The following IQCH variants were observed in gnomAD, a reference collection of about 807,000 sequenced individuals.
IQCH encodes IQ motif containing H.
A neutral mutation model predicts 117.0 loss-of-function variants in IQCH; 98 were observed. The ratio of observed to expected loss-of-function variants is 0.84; its 90% CI spans 0.71 to 0.99. The LOEUF (loss-of-function observed/expected upper bound fraction) is 0.99, where lower values mean the gene tolerates loss of function less well. IQCH is among the 50% of genes least tolerant of loss of function. The pLI is 0.00. For synonymous variants in IQCH, 412 were observed against 448.2 expected (o/e 0.92, Z 1.02); for missense variants, 1,102 against 1,243.8 (o/e 0.89, Z 1.72).
chr15:67,465,992 C>T lies in IQCH; in HGVS notation c.2676+695C>T, dbSNP rs2082922780. Among the ~76,000 whole-genome samples, 2 of 152,218 alleles carry T rather than the reference C, an allele frequency of 1.3e-5. No individual in the cohort carries two copies. The highest frequency in any genetic ancestry group is 4.1e-4 in the South Asian group (2 of 4,830). ...TGGCAAGGTGAAAAGCCAGTCTGAG[C>T]ATGTTGTTCCCCTGTGTGTGATTTT... On this transcript the variant is annotated intron_variant, in intron 17 of 20. Transcript: ENST00000335894. This position sits in a 1 kb window ranked among gnomAD's most constrained non-coding sequence, Gnocchi z 5.9.
chr15:67,400,108 T>G lies in IQCH; in HGVS notation c.1906-6T>G, dbSNP rs76782783. Reference sequence around the variant, plus strand: ...ATTAAATGCAGCTGTGTCTTTGGCCTCACAGATGATAGAGCAGCTGAGTCA... The same window carrying G: ...ATTAAATGCAGCTGTGTCTTTGGCCGCACAGATGATAGAGCAGCTGAGTCA... On this transcript the variant is annotated splice_polypyrimidine_tract_variant and splice_region_variant and intron_variant, in intron 13 of 20. Coordinates refer to ENST00000335894, the MANE Select transcript of IQCH (RefSeq NM_001031715.3). 2,537 of 1,612,262 alleles carry G rather than the reference T, an allele frequency of 1.6e-3. 15 individuals are homozygous for G. The highest frequency in any genetic ancestry group is 0.011 in the African/African-American group (798 of 75,020).
At chr15:67,334,658 A>G (rs1370559299) in intron 4 of IQCH, among the ~76,000 whole-genome samples, 2 of 149,988 alleles carry the variant, frequency 1.3e-5, no homozygotes, top group Non-Finnish European at 3.0e-5. Flanking sequence ...TTAATTGCCC[A>G]GGGTTGGGTC....
intron 3 of IQCH, among the ~76,000 whole-genome samples, chr15:67,265,875 T>C (rs1158585316): frequency 6.6e-6 from 1 of 152,198 alleles, no homozygotes; most frequent in Non-Finnish European, 1.5e-5. Flanking sequence ...AAGGAGGAGA[T>C]GGGACAATTC....
chr15:67,292,487 A>G (rs936680783), intron 4 of IQCH, among the ~76,000 whole-genome samples: 10 of 152,232 alleles, frequency 6.6e-5, no homozygotes, highest in African/African-American at 2.2e-4. Flanking sequence ...TTCTGAGCTC[A>G]AGTGATCCTC....
rs1215320921 is a variant in IQCH, at chr15:67,458,994, T to A, written c.2506-6133T>A. 6.6e-6 allele frequency among the ~76,000 whole-genome samples: 1 copy of A among 152,230 alleles called. No homozygotes were observed. Among genetic ancestry groups the A allele is most frequent in the Non-Finnish European group, 1.5e-5 (1 of 68,044 alleles). On this transcript the variant is annotated intron_variant, in intron 16 of 20. Transcript: ENST00000335894. The surrounding 1 kb of genome is among the most constrained non-coding windows in gnomAD (Gnocchi z 4.1). ...AATATGATAAATATACACAATTCCC[T>A]GTTAGCCTCATAGATACATCTGGAG...
intron 4 of IQCH, among the ~76,000 whole-genome samples, chr15:67,288,092 G>A (rs1011580266): frequency 6.6e-6 from 1 of 151,886 alleles, no homozygotes. Flanking sequence ...TTATTCCATT[G>A]TGGTCAGAGA....
intron 4 of IQCH, among the ~76,000 whole-genome samples, chr15:67,325,177 T>C (rs1773155495): frequency 6.6e-6 from 1 of 152,180 alleles, no homozygotes; most frequent in Non-Finnish European, 1.5e-5. Flanking sequence ...TTCTTCTGCC[T>C]ACTCAAATTT....
intron 7 of IQCH, 100 bp downstream of exon 7, chr15:67,357,521 A>G (rs1026200295): frequency 5.0e-6 from 4 of 798,766 alleles, no homozygotes; most frequent in Middle Eastern, 2.3e-4. Flanking sequence ...TACCTTCAAC[A>G]TAGAAATAAG....
At position 67,416,272 on chromosome 15, in the gene IQCH, C is replaced by T. The variant is rs894314676; in HGVS notation, c.2098-659C>T. Among the ~76,000 whole-genome samples the T allele has an allele frequency of 6.6e-6, 1 of 152,072 alleles. No homozygotes were observed. Among genetic ancestry groups the T allele is most frequent in the Non-Finnish European group, 1.5e-5 (1 of 68,018 alleles). On this transcript the variant is annotated intron_variant, in intron 14 of 20. Coordinates refer to ENST00000335894, the MANE Select transcript of IQCH (RefSeq NM_001031715.3). This position sits in a 1 kb window ranked among gnomAD's most constrained non-coding sequence, Gnocchi z 5.1. ...GTGGCTCATGCCTGTAATCCCAGCA[C>T]TTTGGGAGGCCGAGGCGGGCGGATC...
At chr15:67,290,865 T>C (rs929648628) in intron 4 of IQCH, among the ~76,000 whole-genome samples, 2 of 152,158 alleles carry the variant, frequency 1.3e-5, no homozygotes, top group Non-Finnish European at 2.9e-5. Flanking sequence ...GAATTTAATA[T>C]AGTGGCCTTC....
At position 67,370,518 on chromosome 15, in the gene IQCH, C is replaced by T. The variant is rs1409976719; in HGVS notation, c.754-1593C>T. ...AGGCCATTTCTGTTGGAACATGTGC[C>T]ACTTGTCTTCTACCAGGAGTGGCAG... is the stretch of plus-strand genomic sequence containing the variant. On this transcript the variant is annotated intron_variant, in intron 8 of 20. Transcript: ENST00000335894. The surrounding 1 kb of genome is among the most constrained non-coding windows in gnomAD (Gnocchi z 5.6). Among the ~76,000 whole-genome samples the T allele has an allele frequency of 2.0e-5, 3 of 152,180 alleles. No homozygotes were observed. Among genetic ancestry groups the T allele is most frequent in the Admixed American group, 1.3e-4 (2 of 15,280 alleles).
Position 67,384,701 on chromosome 15 carries a change from T to C in IQCH, c.1373-235T>C, listed in dbSNP as rs531203360. 6.6e-6 allele frequency among the ~76,000 whole-genome samples: 1 copy of C among 152,250 alleles called. No individual in the cohort carries two copies. Among genetic ancestry groups the C allele is most frequent in the East Asian group, 1.9e-4 (1 of 5,186 alleles). ...TGATTCTTAGCAGCCTTGTTGGTACTGAAAAATGTGAACCCCTCTGTTACA... is the reference window on the plus strand; with the variant it reads ...TGATTCTTAGCAGCCTTGTTGGTACCGAAAAATGTGAACCCCTCTGTTACA... On this transcript the variant is annotated intron_variant, in intron 10 of 20. Coordinates refer to ENST00000335894, the MANE Select transcript of IQCH (RefSeq NM_001031715.3). This position sits in a 1 kb window ranked among gnomAD's most constrained non-coding sequence, Gnocchi z 4.3.
chr15:67,323,247 T>TG (rs1968230096), intron 4 of IQCH, among the ~76,000 whole-genome samples: 1 of 146,438 alleles, frequency 6.8e-6, no homozygotes, highest in Admixed American at 6.8e-5. Flanking sequence ...ACATTTTTTT[T>TG]TTTTTTTTTT....
chr15:67,432,096 A>G lies in IQCH; in HGVS notation c.2505+10519A>G, dbSNP rs2082032816. 6.6e-6 allele frequency among the ~76,000 whole-genome samples: 1 copy of G among 152,218 alleles called. No individual in the cohort carries two copies. The highest frequency in any genetic ancestry group is 1.5e-5 in the Non-Finnish European group (1 of 68,046). ...AGATAATTGTGAACTTTGAAACAAC[A>G]ATCTGTATTATAAGCATTGATAGTT... On this transcript the variant is annotated intron_variant, in intron 16 of 20. Transcript: ENST00000335894. The surrounding 1 kb of genome is among the most constrained non-coding windows in gnomAD (Gnocchi z 5.0).
chr15:67,442,857 TAG>T (rs1491406023), intron 16 of IQCH, among the ~76,000 whole-genome samples: 37 of 139,426 alleles, frequency 2.7e-4, no homozygotes, highest in African/African-American at 6.6e-4. Context: ...GATAGATAGA[TAG>T]ATAGATATAC....
At chr15:67,341,399 A>G (rs1969167873) in intron 5 of IQCH, among the ~76,000 whole-genome samples, 1 of 152,238 alleles carries the variant, frequency 6.6e-6, no homozygotes, top group African/African-American at 2.4e-5. Context: ...TCATTTCCAG[A>G]GATCACCAAA....
intron 14 of IQCH, among the ~76,000 whole-genome samples, chr15:67,409,186 G>A (rs1036599497): frequency 6.6e-6 from 1 of 152,094 alleles, no homozygotes; most frequent in South Asian, 2.1e-4. Context: ...ATGAACCAAG[G>A]ACAGGGCTTG....
intron 6 of IQCH, among the ~76,000 whole-genome samples, chr15:67,349,790 T>C (rs1969573158): frequency 6.6e-6 from 1 of 152,044 alleles, no homozygotes; most frequent in South Asian, 2.1e-4. Context: ...AAAGGAGATA[T>C]ATGGATAGTA....
At chr15:67,400,933 G>C (rs1971636030) in intron 14 of IQCH, among the ~76,000 whole-genome samples, 1 of 152,056 alleles carries the variant, frequency 6.6e-6, no homozygotes, top group Non-Finnish European at 1.5e-5. Context: ...AGTGGTTCTT[G>C]ATCATGTGCT....
Sources: gnomAD v4.1 joint callset for allele counts (sites outside exome capture counted in the v4.1 genomes callset) on GRCh38, gnomAD v4.1.1 for gene constraint, Gnocchi (gnomAD v3.1) non-coding constraint, MANE v1.5 for transcripts, NCBI Gene and HGNC (gene_info 2026-07-23, HGNC 2026-07-21) for gene names.